Variants in WDPCP observed in about 807,000 individuals in gnomAD.
The protein encoded by WDPCP is WD repeat-containing and planar cell polarity effector protein fritz homolog.
In WDPCP, 71 loss-of-function variants were observed where a neutral mutation model predicts 93.1. The observed-to-expected ratio is 0.76, with a 90% CI of 0.63 to 0.93. The LOEUF (loss-of-function observed/expected upper bound fraction) is 0.93. Ranked by LOEUF, WDPCP falls within the 40% of genes least tolerant of loss-of-function variation. WDPCP has a pLI of 0.00. For synonymous variants in WDPCP, 315 were observed against 315.0 expected (o/e 1.00, Z 0.00); for missense variants, 844 against 887.4 (o/e 0.95, Z 0.62).
At chr2:63,493,780 T>A (rs1015917800) in intron 1 of WDPCP, among the ~76,000 whole-genome samples, 2 of 152,148 alleles carry the variant, frequency 1.3e-5, no homozygotes, top group South Asian at 2.1e-4. Context: ...AACATAGTAC[T>A]ATACTGTATT....
At chr2:63,249,012 T>A (rs961459844) in intron 14 of WDPCP, among the ~76,000 whole-genome samples, 2 of 152,170 alleles carry the variant, frequency 1.3e-5, no homozygotes, top group South Asian at 4.1e-4. Flanking sequence ...GTTAGTAAGA[T>A]GTCTGTGCTT....
At chr2:63,815,791 T>G (rs1670924041) in intron 1 of WDPCP, among the ~76,000 whole-genome samples, 1 of 152,206 alleles carries the variant, frequency 6.6e-6, no homozygotes, top group Non-Finnish European at 1.5e-5. Flanking sequence ...TGTATCAAAT[T>G]TAGCCTAGGT....
At chr2:63,659,350 C>T (rs531295536) in intron 2 of WDPCP, among the ~76,000 whole-genome samples, 1 of 152,142 alleles carries the variant, frequency 6.6e-6, no homozygotes, top group Non-Finnish European at 1.5e-5. Flanking sequence ...TGTGATGTTA[C>T]CTTATTCGGA....
intron 1 of WDPCP, among the ~76,000 whole-genome samples, chr2:63,582,415 A>G (rs11125977): frequency 0.8 from 122,399 of 152,148 alleles, 49,918 homozygotes; most frequent in East Asian, 0.98. Context: ...TCAATGAGCC[A>G]TGAGACAACT....
intron 1 of WDPCP, chr2:63,518,608 G>C (rs6546009): frequency 0.8 from 122,843 of 152,652 alleles, 50,133 homozygotes; most frequent in East Asian, 0.99. Context: ...CCCACACCCC[G>C]CAAAGCTCAC....
chr2:63,662,351 G>A (rs553927609), intron 2 of WDPCP, among the ~76,000 whole-genome samples: 5 of 152,176 alleles, frequency 3.3e-5, no homozygotes, highest in East Asian at 3.9e-4. Flanking sequence ...ATAGTGCTAC[G>A]TTTACCACAT....
intron 15 of WDPCP, among the ~76,000 whole-genome samples, chr2:63,174,257 G>C (rs1442086845): frequency 6.6e-6 from 1 of 151,908 alleles, no homozygotes; most frequent in Non-Finnish European, 1.5e-5. Context: ...AAACTGGACA[G>C]ATATCAGATA....
chr2:63,328,646 A>T (rs1687750945), intron 12 of WDPCP, among the ~76,000 whole-genome samples: 1 of 152,148 alleles, frequency 6.6e-6, no homozygotes. Context: ...GAGACCAAGA[A>T]CCCACCAATT....
intron 12 of WDPCP, among the ~76,000 whole-genome samples, chr2:63,337,598 G>A (rs139193395): frequency 6.9e-4 from 105 of 152,260 alleles, no homozygotes; most frequent in African/African-American, 2.5e-3. Flanking sequence ...CTTCATAGTG[G>A]CTATACTAAT....
chr2:63,185,916 G>A (rs554970728), intron 14 of WDPCP, among the ~76,000 whole-genome samples: 1 of 145,598 alleles, frequency 6.9e-6, no homozygotes, highest in Non-Finnish European at 1.5e-5. Context: ...CCCACCTCCC[G>A]GCCCCCCCAC....
chr2:63,185,062 A>G (rs897689334), intron 14 of WDPCP, among the ~76,000 whole-genome samples: 1 of 152,106 alleles, frequency 6.6e-6, no homozygotes, highest in African/African-American at 2.4e-5. Context: ...ATGTTTGTTC[A>G]TTTTTAGATA....
At chr2:63,387,827 A>G (rs1173720068) in intron 10 of WDPCP, among the ~76,000 whole-genome samples, 1 of 152,248 alleles carries the variant, frequency 6.6e-6, no homozygotes, top group Non-Finnish European at 1.5e-5. Context: ...CCATACACCA[A>G]CGACATCCAA....
At chr2:63,437,963 G>A in intron 7 of WDPCP, 1 of 1,490,500 alleles carries the variant, frequency 6.7e-7, no homozygotes, top group Non-Finnish European at 9.0e-7. Flanking sequence ...TTTATTAGGG[G>A]ATACTGATCA....
chr2:63,371,121 A>C (rs1691341370), intron 12 of WDPCP, among the ~76,000 whole-genome samples: 1 of 152,016 alleles, frequency 6.6e-6, no homozygotes, highest in African/African-American at 2.4e-5. Context: ...TTTCCCACAT[A>C]CCTGTTCTTT....
At chr2:63,364,512 GTTGT>G (rs1006190876) in intron 12 of WDPCP, among the ~76,000 whole-genome samples, 8 of 152,086 alleles carry the variant, frequency 5.3e-5, no homozygotes, top group Non-Finnish European at 1.0e-4. Context: ...GATTTTCACG[GTTGT>G]TTGTCTTTAT....
chr2:63,207,764 A>C (rs1676455936), intron 14 of WDPCP, among the ~76,000 whole-genome samples: 1 of 151,904 alleles, frequency 6.6e-6, no homozygotes, highest in African/African-American at 2.4e-5. Flanking sequence ...ACTACTATAA[A>C]GTTTTTTTCT....
intron 1 of WDPCP, among the ~76,000 whole-genome samples, chr2:63,516,157 C>T (rs1359653176): frequency 1.3e-5 from 2 of 152,030 alleles, no homozygotes; most frequent in East Asian, 3.8e-4. Context: ...TACATGCTTC[C>T]TTCATTGTAA....
chr2:63,806,840 T>C (rs1670774491), intron 2 of WDPCP, among the ~76,000 whole-genome samples: 1 of 152,194 alleles, frequency 6.6e-6, no homozygotes, highest in South Asian at 2.1e-4. Context: ...TCTCTCTTAT[T>C]CCCTGAACAA....
intron 9 of WDPCP, among the ~76,000 whole-genome samples, chr2:63,405,779 T>A (rs973605442): frequency 6.6e-6 from 1 of 152,014 alleles, no homozygotes; most frequent in Non-Finnish European, 1.5e-5. Flanking sequence ...CATATGTAAA[T>A]GACAGGAGTC....
Sources: gnomAD v4.1 joint callset for allele counts (sites outside exome capture counted in the v4.1 genomes callset) on GRCh38, gnomAD v4.1.1 for gene constraint, MANE v1.5 for transcripts, NCBI Gene and HGNC (gene_info 2026-07-23, HGNC 2026-07-21) for gene names.